EYA3: variants seen among roughly 807,000 people sequenced by gnomAD.
EYA3 encodes EYA transcriptional coactivator and phosphatase 3.
A neutral mutation model predicts 80.0 loss-of-function variants in EYA3; 39 were observed. The ratio of observed to expected loss-of-function variants is 0.49; its 90% confidence interval spans 0.38 to 0.64. The LOEUF is 0.64. Ranked by LOEUF, EYA3 falls within the 30% of genes least tolerant of loss-of-function variation. EYA3 has a pLI of 0.00. For missense variants in EYA3, 523 were observed against 676.1 expected, an observed-to-expected ratio of 0.77 and a Z score of 2.51; for synonymous variants, 206 against 232.8, an observed-to-expected ratio of 0.88 and a Z score of 1.05.
intron 8 of EYA3, among the ~76,000 whole-genome samples, chr1:28,016,676 C>G (rs1268949335): frequency 1.3e-5 from 2 of 151,794 alleles, no homozygotes; most frequent in African/African-American, 4.8e-5. Flanking sequence ...AACTCTAGAA[C>G]ACTGAAGGTG....
Position 27,988,565 on chromosome 1 carries a change from T to C in EYA3, c.1510A>G (p.Ile504Val). ...LLYGLGEIFP[I>V]ENIYSATKIG... The stretch of plus-strand genomic sequence containing the variant: ...TTGGTAGCACTATAGATGTTCTCAA[T>C]AGGAAATATTTCTCCTAGTCCATAT... Residue 504 changes from isoleucine to valine, a missense_variant, in exon 16 of 18, where the codon ATT (isoleucine) becomes GTT (valine). Physicochemically the swap from Ile to Val is conservative, Grantham distance 29 (BLOSUM62 3). Around this residue, in one of 2 missense-constraint regions of EYA3, gnomAD observed 219 missense variants for 332.8 expected, o/e 0.66. Transcript: ENST00000373871. The C allele has an allele frequency of 6.2e-7, 1 of 1,614,072 alleles. No individual in the cohort carries two copies. The highest frequency in any genetic ancestry group is 8.5e-7 in the Non-Finnish European group (1 of 1,179,974).
rs1644112427 is a variant in EYA3, at chr1:28,048,402, A to G, written c.58T>C (p.Ser20Pro). The change falls in exon 3 of 18, where the codon TCA (serine) becomes CCA (proline). Residue 20 changes from serine to proline, a missense_variant. By Grantham distance (74) the Ser-to-Pro change is moderately conservative (BLOSUM62 -1). Coordinates refer to ENST00000373871, the MANE Select transcript of EYA3 (RefSeq NM_001990.4). Reference protein sequence around the residue: ...QPVKKAKMQESGEQTISQVSN... With the variant: ...QPVKKAKMQEPGEQTISQVSN... ...ACATACCTTATAGTTTGCTCTCCTG[A>G]TTCCTGCATCTTGGCTTTTTTCACC... 2.5e-6 allele frequency: 4 copies of G among 1,612,236 alleles called. No homozygotes were observed. Among genetic ancestry groups the G allele is most frequent in the Admixed American group, 1.7e-5 (1 of 59,832 alleles).
At chr1:28,064,438 A>AC (rs1644758617) in intron 1 of EYA3, among the ~76,000 whole-genome samples, 1 of 151,386 alleles carries the variant, frequency 6.6e-6, no homozygotes, top group Non-Finnish European at 1.5e-5. Flanking sequence ...CCTCAAAAAA[A>AC]AAAAAAGAAG....
intron 15 of EYA3, 24 bp from the exon 16 acceptor site, chr1:27,988,680 G>T (rs1307739411): frequency 1.9e-6 from 3 of 1,609,920 alleles, no homozygotes; most frequent in Non-Finnish European, 2.5e-6. Context: ...AAAGGGAAAA[G>T]AAAAGGTGAA....
intron 1 of EYA3, among the ~76,000 whole-genome samples, chr1:28,077,297 G>A (rs1164471278): frequency 6.6e-6 from 1 of 151,372 alleles, no homozygotes; most frequent in African/African-American, 2.4e-5. Flanking sequence ...GTAGAGACGG[G>A]GTTTCACCAG....
intron 2 of EYA3, among the ~76,000 whole-genome samples, chr1:28,050,391 C>A (rs902295422): frequency 6.6e-6 from 1 of 151,692 alleles, no homozygotes; most frequent in Non-Finnish European, 1.5e-5. Context: ...TAGGAGAGAC[C>A]GGGTTTCACC....
Position 27,974,616 on chromosome 1 carries a change from T to G in EYA3, c.1642-70A>C, listed in dbSNP as rs1013659660. On this transcript the variant is annotated intron_variant, in intron 17 of 17. Coordinates refer to ENST00000373871, the MANE Select transcript of EYA3 (RefSeq NM_001990.4). ...AGCTTATATAAATATTTGCCCATAC[T>G]CTTTCCTCAACACACCTCTCCCCAA... 14 of 1,350,096 alleles carry G rather than the reference T, an allele frequency of 1.0e-5. No homozygotes were observed. The African/African-American group carries it at 2.0e-4, about 19-fold the overall frequency. 83.6% of individuals were successfully genotyped at this position (1,350,096 alleles called of 1,614,324 possible).
intron 16 of EYA3, among the ~76,000 whole-genome samples, chr1:27,985,653 C>T: frequency 6.6e-6 from 1 of 152,300 alleles, no homozygotes. Flanking sequence ...GCCATCTCGG[C>T]TTACCGCAAC....
intron 10 of EYA3, chr1:28,010,711 T>C (rs1490122824): frequency 2.2e-6 from 1 of 463,276 alleles, no homozygotes; most frequent in Non-Finnish European, 3.8e-6. Flanking sequence ...ACTTTACTTG[T>C]AACTCCCTCT....
chr1:27,989,914 A>G, intron 14 of EYA3, 103 bp from the exon 15 acceptor site: 1 of 583,228 alleles, frequency 1.7e-6, no homozygotes, highest in Non-Finnish European at 3.0e-6. Context: ...AGTCACTGAA[A>G]TATTCTACTG....
At chr1:28,016,411 T>G (rs1187025708) in intron 8 of EYA3, among the ~76,000 whole-genome samples, 1 of 151,578 alleles carries the variant, frequency 6.6e-6, no homozygotes, top group Non-Finnish European at 1.5e-5. Flanking sequence ...TGACTATAGT[T>G]CCAGCTACTC....
At chr1:28,073,103 T>TTATATATACATATATA (rs1553157587) in intron 1 of EYA3, among the ~76,000 whole-genome samples, 1 of 37,762 alleles carries the variant, frequency 2.6e-5, no homozygotes, top group African/African-American at 1.6e-4. Flanking sequence ...GATGAAACTA[T>TTATATATACATATATA]TATATATATA....
chr1:28,021,982 C>T (rs974738187), intron 7 of EYA3, among the ~76,000 whole-genome samples: 3 of 152,108 alleles, frequency 2.0e-5, no homozygotes, highest in African/African-American at 7.2e-5. Context: ...ATATAACTGA[C>T]AATTCCTGAT....
intron 1 of EYA3, among the ~76,000 whole-genome samples, chr1:28,076,427 T>C (rs1345266018): frequency 6.6e-6 from 1 of 152,050 alleles, no homozygotes. Context: ...AAATAGAATC[T>C]CGGCCAGGCG....
intron 17 of EYA3, 101 bp from the exon 18 acceptor site, chr1:27,974,647 A>C: frequency 1.1e-6 from 1 of 904,214 alleles, no homozygotes; most frequent in Non-Finnish European, 1.8e-6. Context: ...CCCAAGGTAC[A>C]TGGTAACCCT....
At chr1:27,991,703 T>C (rs185422139) in intron 14 of EYA3, among the ~76,000 whole-genome samples, 23 of 152,182 alleles carry the variant, frequency 1.5e-4, no homozygotes, top group Admixed American at 8.5e-4. Context: ...CCAGTACCTA[T>C]ATATGATATA....
At chr1:28,005,696 C>T (rs1252146602) in intron 10 of EYA3, among the ~76,000 whole-genome samples, 4 of 151,654 alleles carry the variant, frequency 2.6e-5, no homozygotes, top group Non-Finnish European at 2.9e-5. Context: ...GTCTGGGCAA[C>T]GAAGTGAGAA....
rs1289033146 is a variant in EYA3 at position 27,973,889 on chromosome 1, CA to C, written c.*576del. On this transcript the variant is annotated 3_prime_UTR_variant, in exon 18 of 18. Coordinates refer to ENST00000373871, the MANE Select transcript of EYA3 (RefSeq NM_001990.4). ...ATCAGACCCTTACCTATAAAAATAA[CA>C]TACACATTCGCTGGAAATAAGTGAG... 12 of 152,158 alleles carry C rather than the reference CA, an allele frequency of 7.9e-5. No individual in the cohort carries two copies. Among genetic ancestry groups the C allele is most frequent in the Non-Finnish European group, 1.5e-4 (10 of 68,022 alleles). The allele number at this position is 152,158 out of a possible 1,614,324, so 9.4% of individuals were successfully genotyped here. A position where few individuals can be genotyped will look rare whatever the true frequency, so the allele number is the denominator to read the frequency against.
At chr1:28,039,093 G>A (rs1643631030) in intron 4 of EYA3, among the ~76,000 whole-genome samples, 188 bp from the exon 5 acceptor site, 1 of 152,122 alleles carries the variant, frequency 6.6e-6, no homozygotes, top group South Asian at 2.1e-4. Context: ...TAGACTTCCA[G>A]AGGCAGTTAA....
Sources: allele counts gnomAD v4.1 joint callset (sites outside exome capture counted in the v4.1 genomes callset), GRCh38; gene constraint gnomAD v4.1.1; regional missense constraint gnomAD v4.1.1; transcripts MANE v1.5; gene names NCBI Gene and HGNC (gene_info 2026-07-23, HGNC 2026-07-21).